The following DOCK8 variants were observed in gnomAD, a reference collection of about 807,000 sequenced individuals.
DOCK8 encodes the protein dedicator of cytokinesis protein 8.
A neutral mutation model predicts 245.6 loss-of-function variants in DOCK8; 141 were observed. That is an observed-to-expected ratio of 0.57 (90% confidence interval 0.50 to 0.66). The LOEUF (loss-of-function observed/expected upper bound fraction) is 0.66, where lower values mean the gene tolerates loss of function less well. Among genes scored for constraint, DOCK8 ranks in the 30% least tolerant of loss-of-function variants. DOCK8 has a pLI of 0.00. For missense variants in DOCK8, 2,965 were observed against 2,603.4 expected (o/e 1.14, Z -3.02); for synonymous variants, 1,168 against 970.2 (o/e 1.20, Z -3.79).
intron 1 of DOCK8, among the ~76,000 whole-genome samples, chr9:235,735 T>C (rs953656867): frequency 2.6e-5 from 4 of 152,120 alleles, no homozygotes; most frequent in Admixed American, 2.0e-4. Context: ...GGTGTGCCGT[T>C]TTTTAAGCCC....
chr9:251,550 A>G (rs1563841820), intron 1 of DOCK8, among the ~76,000 whole-genome samples: 1 of 152,172 alleles, frequency 6.6e-6, no homozygotes, highest in Non-Finnish European at 1.5e-5. Flanking sequence ...AAATACCAGA[A>G]GTTTCACTCC....
intron 14 of DOCK8, among the ~76,000 whole-genome samples, chr9:343,284 G>A (rs1198806882): frequency 1.3e-5 from 2 of 152,100 alleles, no homozygotes; most frequent in East Asian, 1.9e-4. Context: ...CTTGAGTCTA[G>A]GAGTTTAAGA....
At chr9:298,588 G>C (rs1385717621) in intron 4 of DOCK8, among the ~76,000 whole-genome samples, 1 of 151,640 alleles carries the variant, frequency 6.6e-6, no homozygotes, top group Non-Finnish European at 1.5e-5. Flanking sequence ...GAAATAACTT[G>C]AGGATAATGG....
chr9:386,285 C>G (rs752728087), intron 22 of DOCK8, 46 bp from the exon 23 acceptor site: 12 of 1,549,492 alleles, frequency 7.7e-6, no homozygotes, highest in Non-Finnish European at 1.1e-5. Flanking sequence ...TCTGGCTTAC[C>G]TTTCCATGGT....
At chr9:333,224 C>T (rs548011323) in intron 10 of DOCK8, among the ~76,000 whole-genome samples, 4 of 152,350 alleles carry the variant, frequency 2.6e-5, no homozygotes, top group African/African-American at 9.6e-5. Flanking sequence ...TATATATATT[C>T]ATTAGCACAG....
intron 4 of DOCK8, 103 bp downstream of exon 4, chr9:289,684 A>C (rs1323511380): frequency 3.8e-6 from 4 of 1,045,514 alleles, no homozygotes; most frequent in Non-Finnish European, 5.6e-6. Flanking sequence ...TTACAGAAAA[A>C]TTGCATGGCA....
chr9:450,174 A>G (rs907599467), intron 45 of DOCK8, among the ~76,000 whole-genome samples: 2 of 152,170 alleles, frequency 1.3e-5, no homozygotes, highest in African/African-American at 4.8e-5. Context: ...AAGGAGTACC[A>G]CTTTCTCAGA....
chr9:364,369 G>C (rs1182047584), intron 14 of DOCK8, among the ~76,000 whole-genome samples: 1 of 152,126 alleles, frequency 6.6e-6, no homozygotes, highest in Non-Finnish European at 1.5e-5. Context: ...ATAGTGACTT[G>C]TGCCTGTAAT....
chr9:326,963 C>T (rs1301250820), intron 8 of DOCK8, among the ~76,000 whole-genome samples: 1 of 152,188 alleles, frequency 6.6e-6, no homozygotes, highest in Non-Finnish European at 1.5e-5. Context: ...CATACAGTGG[C>T]TCTTAAGTAA....
chr9:396,695 G>C, intron 24 of DOCK8, 90 bp from the exon 25 acceptor site: 2 of 1,547,980 alleles, frequency 1.3e-6, no homozygotes, highest in Admixed American at 3.3e-5. Context: ...CATTGTTAGA[G>C]AGCATTTCTG....
intron 27 of DOCK8, among the ~76,000 whole-genome samples, chr9:406,225 G>C (rs1181274415): frequency 6.6e-6 from 1 of 152,100 alleles, no homozygotes; most frequent in Non-Finnish European, 1.5e-5. Context: ...CGGGCACGGT[G>C]GCTCACATTT....
intron 39 of DOCK8, among the ~76,000 whole-genome samples, chr9:436,965 A>G (rs1206838972): frequency 1.3e-5 from 2 of 152,224 alleles, no homozygotes; most frequent in African/African-American, 2.4e-5. Flanking sequence ...AAAGGAAGGC[A>G]GAAGAAACTG....
At chr9:297,853 C>T (rs776245787) in intron 4 of DOCK8, among the ~76,000 whole-genome samples, 18 of 152,224 alleles carry the variant, frequency 1.2e-4, no homozygotes, top group Non-Finnish European at 1.9e-4. Flanking sequence ...GTTTCAAACA[C>T]ACAGTCATAG....
At chr9:415,336 A>G (rs1232710566) in intron 29 of DOCK8, among the ~76,000 whole-genome samples, 2 of 152,152 alleles carry the variant, frequency 1.3e-5, no homozygotes, top group African/African-American at 4.8e-5. Flanking sequence ...TTTTATGAAT[A>G]TGTAAGCAAA....
chr9:259,262 C>T (rs1308393448), intron 1 of DOCK8, among the ~76,000 whole-genome samples: 2 of 152,000 alleles, frequency 1.3e-5, no homozygotes, highest in East Asian at 3.9e-4. Context: ...GTGATCTCGC[C>T]ACTGCACTCA....
intron 1 of DOCK8, 81 bp downstream of exon 1, chr9:215,110 A>T: frequency 6.7e-7 from 1 of 1,503,216 alleles, no homozygotes; most frequent in Non-Finnish European, 8.8e-7. Context: ...GCAGGGGCCG[A>T]GGCCGGACGA....
intron 1 of DOCK8, among the ~76,000 whole-genome samples, chr9:237,097 A>G (rs2047269324): frequency 1.3e-5 from 2 of 152,264 alleles, no homozygotes; most frequent in South Asian, 4.1e-4. Flanking sequence ...CTGTGCCACA[A>G]AAGCCCAGTC....
chr9:235,918 A>G (rs1222089273), intron 1 of DOCK8, among the ~76,000 whole-genome samples: 1 of 152,068 alleles, frequency 6.6e-6, no homozygotes, highest in Non-Finnish European at 1.5e-5. Context: ...TCCTGTACCT[A>G]CTGTCTGGCA....
chr9:463,807 G>A (rs1269089795), intron 47 of DOCK8, 120 bp downstream of exon 47: 14 of 1,199,628 alleles, frequency 1.2e-5, no homozygotes, highest in Non-Finnish European at 1.6e-5. Context: ...GGGTGGAAGA[G>A]GGTCCCACAG....
Sources: allele counts gnomAD v4.1 joint callset (sites outside exome capture counted in the v4.1 genomes callset), GRCh38; gene constraint gnomAD v4.1.1; transcripts MANE v1.5; gene names NCBI Gene and HGNC (gene_info 2026-07-23, HGNC 2026-07-21).